Variants in CERKL observed in about 807,000 individuals in gnomAD.
CERKL encodes the protein CERK like autophagy regulator.
A neutral mutation model predicts 63.4 loss-of-function variants in CERKL; 61 were observed. The observed-to-expected ratio is 0.96, with a 90% CI of 0.78 to 1.19. The LOEUF (loss-of-function observed/expected upper bound fraction) is 1.19, where lower values mean the gene tolerates loss of function less well. Among genes scored for constraint, CERKL ranks in the 50% most tolerant of loss-of-function variants. The pLI, the probability that CERKL is intolerant of heterozygous loss-of-function variation, is 0.00. For missense variants in CERKL, 675 were observed against 655.5 expected, an observed-to-expected ratio of 1.03 and a Z score of -0.33; for synonymous variants, 250 against 230.5, an observed-to-expected ratio of 1.08 and a Z score of -0.77.
At chr2:181,622,452 C>T (rs962751132) in intron 1 of CERKL, among the ~76,000 whole-genome samples, 39 of 152,182 alleles carry the variant, frequency 2.6e-4, no homozygotes, top group African/African-American at 8.9e-4. Context: ...GGCATGTTTG[C>T]TAACTTGAAG....
chr2:181,592,200 TTC>T (rs1392294607), intron 2 of CERKL, among the ~76,000 whole-genome samples: 1 of 152,148 alleles, frequency 6.6e-6, no homozygotes, highest in Non-Finnish European at 1.5e-5. Context: ...ATCTTTCTCT[TTC>T]TCTCTCTTGA....
rs189146025 is a variant in CERKL, at chr2:181,550,931, T to G, written c.821-1223A>C. On this transcript the variant is annotated intron_variant, in intron 5 of 12. Transcript: ENST00000410087. This position sits in a 1 kb window ranked among gnomAD's most constrained non-coding sequence, Gnocchi z 4.5. The stretch of plus-strand genomic sequence containing the variant: ...AACTGATTCACCAAAAGGCAAGTTA[T>G]GCTGTGACCCTTGTTACTCAAAATA... Among the ~76,000 whole-genome samples the G allele has an allele frequency of 1.3e-5, 2 of 152,262 alleles. No individual in the cohort carries two copies. Among genetic ancestry groups the G allele is most frequent in the Admixed American group, 1.3e-4 (2 of 15,274 alleles).
intron 1 of CERKL, among the ~76,000 whole-genome samples, chr2:181,624,192 C>G (rs1290140627): frequency 6.6e-6 from 1 of 151,992 alleles, no homozygotes; most frequent in Non-Finnish European, 1.5e-5. Flanking sequence ...GGATTTTATG[C>G]TGAACATGCA....
intron 10 of CERKL, among the ~76,000 whole-genome samples, chr2:181,546,584 T>C (rs1687735104): frequency 6.6e-6 from 1 of 152,168 alleles, no homozygotes; most frequent in South Asian, 2.1e-4. Context: ...TCTTTTTTCT[T>C]CTCTAACTTT....
At chr2:181,539,292 A>T (rs1325348302) in intron 11 of CERKL, 28 bp from the exon 12 acceptor site, 1 of 1,453,306 alleles carries the variant, frequency 6.9e-7, no homozygotes, top group Non-Finnish European at 9.7e-7. Flanking sequence ...TAATCATTAT[A>T]CTTGGTTTAT....
At chr2:181,545,611 T>G (rs899314296) in intron 10 of CERKL, among the ~76,000 whole-genome samples, 1 of 152,162 alleles carries the variant, frequency 6.6e-6, no homozygotes, top group Non-Finnish European at 1.5e-5. Context: ...CATTCGCTCA[T>G]TTCATGTAGA....
intron 5 of CERKL, among the ~76,000 whole-genome samples, chr2:181,552,340 T>A (rs766312065): frequency 6.6e-6 from 1 of 152,184 alleles, no homozygotes; most frequent in Non-Finnish European, 1.5e-5. Context: ...GTAGGAGTAA[T>A]TGAATCACGG....
intron 1 of CERKL, among the ~76,000 whole-genome samples, chr2:181,609,102 CTTTAT>C (rs201591866): frequency 9.2e-5 from 14 of 152,052 alleles, no homozygotes; most frequent in East Asian, 7.7e-4. Context: ...CCAGTATTCT[CTTTAT>C]TTTCTTTTAT....
At chr2:181,581,388 T>A (rs1684504527) in intron 2 of CERKL, among the ~76,000 whole-genome samples, 1 of 152,212 alleles carries the variant, frequency 6.6e-6, no homozygotes, top group Admixed American at 6.5e-5. Flanking sequence ...CCCTGTATTA[T>A]GTTTATGGAA....
intron 10 of CERKL, among the ~76,000 whole-genome samples, chr2:181,545,189 G>T (rs1485826027): frequency 1.3e-5 from 2 of 152,164 alleles, no homozygotes; most frequent in African/African-American, 4.8e-5. Flanking sequence ...GTAACAAATA[G>T]CTCAACATTT....
At chr2:181,623,814 G>A (rs895824783) in intron 1 of CERKL, among the ~76,000 whole-genome samples, 4 of 152,180 alleles carry the variant, frequency 2.6e-5, no homozygotes, top group African/African-American at 7.2e-5. Context: ...AACTGACAAT[G>A]AGAGTTGAGT....
chr2:181,628,886 G>T (rs1686826824), intron 1 of CERKL, among the ~76,000 whole-genome samples: 1 of 152,066 alleles, frequency 6.6e-6, no homozygotes, highest in African/African-American at 2.4e-5. Context: ...ATATAATTAT[G>T]CTGGGTACAA....
At chr2:181,610,832 G>T (rs868129943) in intron 1 of CERKL, among the ~76,000 whole-genome samples, 59 of 152,162 alleles carry the variant, frequency 3.9e-4, no homozygotes, top group African/African-American at 1.3e-3. Context: ...TTTTAATGTA[G>T]AAAAGGAAAA....
At position 181,537,916 on chromosome 2, in the gene CERKL, T is replaced by TCAGCAGCAGCATTAGATTCTC. The variant is rs1427444084; in HGVS notation, c.*247_*267dup. On this transcript the variant is annotated 3_prime_UTR_variant, in exon 13 of 13. Transcript: ENST00000410087. ...TTACTGAGTTCCTCCCCCTGTCAGA[T>TCAGCAGCAGCATTAGATTCTC]CAGCAGCAGCATTAGATTCTCATAG... The TCAGCAGCAGCATTAGATTCTC allele has an allele frequency of 1.7e-6, 1 of 580,218 alleles. No individual in the cohort carries two copies. Among genetic ancestry groups the TCAGCAGCAGCATTAGATTCTC allele is most frequent in the African/African-American group, 1.8e-5 (1 of 54,492 alleles). 35.9% of individuals were successfully genotyped at this position (580,218 alleles called of 1,614,324 possible). A position where few individuals can be genotyped will look rare whatever the true frequency, so the allele number is the denominator to read the frequency against.
At chr2:181,555,306 C>T (rs1437253742) in intron 5 of CERKL, among the ~76,000 whole-genome samples, 2 of 152,044 alleles carry the variant, frequency 1.3e-5, no homozygotes, top group African/African-American at 4.8e-5. Context: ...GGAAAGTTTC[C>T]ACCATTATAG....
At chr2:181,541,742 A>G (rs1178343859) in intron 11 of CERKL, among the ~76,000 whole-genome samples, 1 of 152,234 alleles carries the variant, frequency 6.6e-6, no homozygotes, top group South Asian at 2.1e-4. Context: ...ATTTAAGAGG[A>G]GACCAACAGA....
chr2:181,595,607 G>C (rs549306936), intron 2 of CERKL, among the ~76,000 whole-genome samples: 6 of 152,266 alleles, frequency 3.9e-5, no homozygotes, highest in Admixed American at 6.5e-5. Flanking sequence ...TCCTGCTCCA[G>C]ATTCAGACAT....
Position 181,544,702 on chromosome 2 carries a change from G to T in CERKL, c.1363C>A (p.Gln455Lys), listed in dbSNP as rs928004913. The change falls in exon 11 of 13, where the codon CAG becomes AAG. Residue 455 changes from glutamine (Q) to lysine (K), a missense_variant and splice_region_variant. Gln to Lys is a moderately conservative substitution (Grantham distance 53, BLOSUM62 1). Coordinates refer to ENST00000410087, the MANE Select transcript of CERKL (RefSeq NM_201548.5). ...GTAACAAAAAGAATTTACTATACCT[G>T]ATTTTTTACACTGGCATATCTTTTC... ...HLKRYASVKNQFNFPFVETYT... is the reference protein window; with the variant it reads ...HLKRYASVKNKFNFPFVETYT... 5 of 1,583,098 alleles carry T rather than the reference G, an allele frequency of 3.2e-6. No homozygotes were observed. Among genetic ancestry groups the T allele is most frequent in the Non-Finnish European group, 4.3e-6 (5 of 1,155,110 alleles).
chr2:181,569,540 A>G (rs530450740), intron 3 of CERKL, among the ~76,000 whole-genome samples: 7 of 152,300 alleles, frequency 4.6e-5, no homozygotes, highest in African/African-American at 1.7e-4. Flanking sequence ...GGGGAAAATG[A>G]TAACAAACAC....
Sources: allele counts gnomAD v4.1 joint callset (sites outside exome capture counted in the v4.1 genomes callset), GRCh38; gene constraint gnomAD v4.1.1; non-coding constraint Gnocchi (gnomAD v3.1); transcripts MANE v1.5; gene names NCBI Gene and HGNC (gene_info 2026-07-23, HGNC 2026-07-21).